Variants in B3GALT5 observed in about 807,000 individuals in gnomAD.
B3GALT5 encodes beta-1,3-galactosyltransferase 5.
For missense variants in B3GALT5, 328 were observed against 396.6 expected (o/e 0.83, Z 1.47); for synonymous variants, 156 against 158.6 (o/e 0.98, Z 0.12).
intron 1 of B3GALT5, among the ~76,000 whole-genome samples, chr21:39,619,133 C>T (rs956568091): frequency 1.3e-5 from 2 of 151,822 alleles, no homozygotes; most frequent in African/African-American, 4.8e-5. Flanking sequence ...GCTTGGGCTG[C>T]CATAATGAGA....
chr21:39,627,948 T>C (rs372496175), intron 1 of B3GALT5, among the ~76,000 whole-genome samples: 7 of 152,168 alleles, frequency 4.6e-5, no homozygotes, highest in African/African-American at 1.7e-4. Flanking sequence ...AGTGTAACTG[T>C]ACACAGATTT....
At chr21:39,616,691 C>A (rs534120215) in intron 1 of B3GALT5, among the ~76,000 whole-genome samples, 1 of 152,212 alleles carries the variant, frequency 6.6e-6, no homozygotes, top group Non-Finnish European at 1.5e-5. Context: ...CTTCCCAGAG[C>A]TTCCTTTGGT....
At chr21:39,647,644 G>C (rs1254256652) in intron 2 of B3GALT5, among the ~76,000 whole-genome samples, 1 of 152,090 alleles carries the variant, frequency 6.6e-6, no homozygotes, top group East Asian at 1.9e-4. Context: ...CACCATGTCC[G>C]GCCCCTTGTT....
intron 1 of B3GALT5, chr21:39,630,219 T>G (rs200342871): frequency 6.6e-6 from 1 of 152,184 alleles, no homozygotes; most frequent in Non-Finnish European, 1.5e-5. Flanking sequence ...AAGTGTCATA[T>G]TTTAGCTGTG....
chr21:39,672,793 C>T lies in B3GALT5; in HGVS notation c.*11301C>T, dbSNP rs2079642088. On this transcript the variant is annotated 3_prime_UTR_variant, in exon 4 of 4. Coordinates refer to ENST00000684187, the MANE Select transcript of B3GALT5 (RefSeq NM_001356336.2). ...AGAAAAATGTACTGAACAATGTTGA[C>T]ATGCTTATTTTTGTAAGAGATGGGT... 1 of 152,020 alleles carries T rather than the reference C, an allele frequency of 6.6e-6. No individual in the cohort carries two copies. The allele number at this position is 152,020 out of a possible 1,614,324, so 9.4% of individuals were successfully genotyped here.
chr21:39,637,587 C>G (rs1450548669), intron 1 of B3GALT5, among the ~76,000 whole-genome samples: 2 of 152,220 alleles, frequency 1.3e-5, no homozygotes, highest in Non-Finnish European at 2.9e-5. Context: ...TTGATGGCTA[C>G]CCCGCCCAGG....
At chr21:39,641,105 G>A (rs1417746751) in intron 1 of B3GALT5, among the ~76,000 whole-genome samples, 1 of 152,176 alleles carries the variant, frequency 6.6e-6, no homozygotes, top group African/African-American at 2.4e-5. Flanking sequence ...TAATATAGTG[G>A]TGAGAACAGA....
At chr21:39,646,729 A>G (rs2079343304) in intron 2 of B3GALT5, 107 bp downstream of exon 2, 1 of 152,250 alleles carries the variant, frequency 6.6e-6, no homozygotes, top group South Asian at 2.1e-4. Context: ...TAAGGAAATG[A>G]GGATTAAAGG....
chr21:39,639,386 C>CT (rs1569212274), intron 1 of B3GALT5, among the ~76,000 whole-genome samples: 1 of 124,340 alleles, frequency 8.0e-6, no homozygotes, highest in African/African-American at 3.1e-5. Context: ...TTCCTTCCTT[C>CT]CTTCCTTCTT....
chr21:39,623,888 T>C (rs998734424), intron 1 of B3GALT5, among the ~76,000 whole-genome samples: 1 of 152,246 alleles, frequency 6.6e-6, no homozygotes, highest in African/African-American at 2.4e-5. Flanking sequence ...TCCTCTGCTT[T>C]TCCTCCATTC....
chr21:39,627,724 G>A (rs1247992892), intron 1 of B3GALT5, among the ~76,000 whole-genome samples: 1 of 152,008 alleles, frequency 6.6e-6, no homozygotes, highest in Admixed American at 6.6e-5. Context: ...ATGTATGTTT[G>A]TTTATTTAAG....
chr21:39,632,385 T>G (rs1271701147), intron 1 of B3GALT5, among the ~76,000 whole-genome samples: 1 of 151,916 alleles, frequency 6.6e-6, no homozygotes, highest in East Asian at 1.9e-4. Context: ...CGGAGTACAG[T>G]GGGTTGAGGT....
chr21:39,631,777 A>T (rs1051864960), intron 1 of B3GALT5, among the ~76,000 whole-genome samples: 2 of 152,236 alleles, frequency 1.3e-5, no homozygotes, highest in Non-Finnish European at 2.9e-5. Context: ...AGAATACGGC[A>T]GAGCTATATG....
At chr21:39,642,117 C>A (rs2079294971) in intron 1 of B3GALT5, among the ~76,000 whole-genome samples, 1 of 152,232 alleles carries the variant, frequency 6.6e-6, no homozygotes, top group Non-Finnish European at 1.5e-5. Flanking sequence ...AGGCTACAAG[C>A]TTCAAGCTTA....
chr21:39,649,458 C>T (rs2079373499), intron 2 of B3GALT5, among the ~76,000 whole-genome samples: 3 of 152,236 alleles, frequency 2.0e-5, no homozygotes, highest in Admixed American at 1.3e-4. Flanking sequence ...CTGTTCTCTC[C>T]CCTGCCCCGT....
intron 2 of B3GALT5, among the ~76,000 whole-genome samples, chr21:39,648,791 T>G (rs1295445906): frequency 1.8e-5 from 2 of 109,716 alleles, no homozygotes; most frequent in African/African-American, 6.2e-5. Flanking sequence ...CTGAGTAGGT[T>G]CAGTGAGGTC....
intron 1 of B3GALT5, among the ~76,000 whole-genome samples, chr21:39,636,283 C>A (rs551824485): frequency 1.3e-5 from 2 of 152,276 alleles, no homozygotes; most frequent in African/African-American, 4.8e-5. Flanking sequence ...AAGAAATTAA[C>A]AGAATGAACC....
At chr21:39,624,848 A>G (rs917189946) in intron 1 of B3GALT5, among the ~76,000 whole-genome samples, 81 of 150,094 alleles carry the variant, frequency 5.4e-4, no homozygotes, top group African/African-American at 1.8e-3. Context: ...GTCCAAGGCG[A>G]TAGTTTTTTT....
chr21:39,630,422 G>A (rs561547365), intron 1 of B3GALT5: 2 of 150,428 alleles, frequency 1.3e-5, no homozygotes, highest in East Asian at 1.9e-4. Flanking sequence ...TTTGACACTC[G>A]TGGCCACACT....
Sources: allele counts gnomAD v4.1 joint callset (sites outside exome capture counted in the v4.1 genomes callset), GRCh38; gene constraint gnomAD v4.1.1; transcripts MANE v1.5; gene names NCBI Gene and HGNC (gene_info 2026-07-23, HGNC 2026-07-21).